FBXL6: variants seen among roughly 807,000 people sequenced by gnomAD.
The protein encoded by FBXL6 is F-box/LRR-repeat protein 6.
In FBXL6, 50 loss-of-function variants were observed where a neutral mutation model predicts 53.3. The observed-to-expected ratio is 0.94, with a 90% confidence interval of 0.75 to 1.19. FBXL6 has a LOEUF of 1.19. Ranked by LOEUF, FBXL6 falls within the 50% of genes most tolerant of loss-of-function variation. FBXL6 has a pLI of 0.00. For missense variants in FBXL6, 815 were observed against 719.0 expected (o/e 1.13, Z -1.53); for synonymous variants, 405 against 322.9 (o/e 1.25, Z -2.73).
chr8:144,358,413 C>T lies in FBXL6; in HGVS notation c.35G>A (p.Arg12Lys). Residue 12 changes from arginine (R) to lysine (K), a missense_variant, in exon 1 of 9, where the codon AGA (arginine) becomes AAA (lysine). Arg to Lys is a conservative substitution (Grantham distance 26). Coordinates refer to ENST00000331890, the MANE Select transcript of FBXL6 (RefSeq NM_012162.4). ...AAPASRQVRR[R>K]ARAAPRPRSA... ...GCGGGGCCGCGGCGCTGCCCGGGCT[C>T]TGCGTCGGACCTGCCGGGAGGCTGG... 1.1e-5 allele frequency: 14 copies of T among 1,247,066 alleles called. No homozygotes were observed. Among genetic ancestry groups the T allele is most frequent in the South Asian group, 7.7e-5 (2 of 25,892 alleles). The allele number at this position is 1,247,066 out of a possible 1,614,324, so 77.3% of individuals were successfully genotyped here.
rs369988113 is a variant in FBXL6 at position 144,356,723 on chromosome 8, TG to T, written c.880-11del. 3 of 1,609,524 alleles carry T rather than the reference TG, an allele frequency of 1.9e-6. No homozygotes were observed. The highest frequency in any genetic ancestry group is 4.5e-5 in the East Asian group (2 of 44,834). ...GGGGGCAGCAGCTGCCCTGCAGAGA[TG>T]GGGGGAGGGGGTAGGTCACAGGGTC... On this transcript the variant is annotated splice_polypyrimidine_tract_variant and intron_variant, in intron 5 of 8. Coordinates refer to ENST00000331890, the MANE Select transcript of FBXL6 (RefSeq NM_012162.4).
chr8:144,358,146 G>C lies in FBXL6; in HGVS notation c.302C>G (p.Pro101Arg), dbSNP rs1818557863. The change falls in exon 1 of 9, where the codon CCC (proline) becomes CGC (arginine). Residue 101 changes from proline (P) to arginine (R), a missense_variant. Transcript: ENST00000331890. ...AAPAPAPAPTPTPEEGPDAGW... is the reference protein window; with the variant it reads ...AAPAPAPAPTRTPEEGPDAGW... The stretch of plus-strand genomic sequence containing the variant: ...CGCGTCGGGCCCTTCCTCGGGCGTG[G>C]GCGTGGGTGCCGGTGCGGGTGCGGG... The C allele has an allele frequency of 6.4e-7, 1 of 1,551,770 alleles. No individual in the cohort carries two copies.
At position 144,358,405 on chromosome 8, in the gene FBXL6, C is replaced by T; in HGVS notation, c.43G>A (p.Ala15Thr). Residue 15 changes from alanine to threonine, a missense_variant, in exon 1 of 9, where the codon GCA (alanine) becomes ACA (threonine). By Grantham distance (58) the Ala-to-Thr change is moderately conservative. Coordinates refer to ENST00000331890, the MANE Select transcript of FBXL6 (RefSeq NM_012162.4). The part of the protein sequence containing the change: ...ASRQVRRRAR[A>T]APRPRSAEDW... ...TCGGCCGAGCGGGGCCGCGGCGCTG[C>T]CCGGGCTCTGCGTCGGACCTGCCGG... 2 of 1,250,016 alleles carry T rather than the reference C, an allele frequency of 1.6e-6. No individual in the cohort carries two copies. The highest frequency in any genetic ancestry group is 2.0e-6 in the Non-Finnish European group (2 of 997,954). 77.4% of individuals were successfully genotyped at this position (1,250,016 alleles called of 1,614,324 possible).
Position 144,355,595 on chromosome 8 carries a change from T to G in FBXL6, c.1556A>C (p.Tyr519Ser), listed in dbSNP as rs140699050. 4 of 1,611,070 alleles carry G rather than the reference T, an allele frequency of 2.5e-6. No homozygotes were observed. In the African/African-American group the frequency reaches 4.0e-5, roughly 16 times the overall value. The change falls in exon 9 of 9, where the codon TAC (tyrosine) becomes TCC (serine). Residue 519 changes from tyrosine (Y) to serine (S), a missense_variant. Transcript: ENST00000331890. ...CCACTGGACTTCCTCCAGGCCCCGG[T>G]AGGCCCGCTTCAGACCCCGGGGAAG... Reference protein sequence around the residue: ...RCLPRGLKRAYRGLEEVQWCL... With the variant: ...RCLPRGLKRASRGLEEVQWCL...
In FBXL6 at chr8:144,355,462, C is replaced by A; in HGVS notation, c.*69G>T. 1 of 1,576,020 alleles carries A rather than the reference C, an allele frequency of 6.3e-7. No individual in the cohort carries two copies. The highest frequency in any genetic ancestry group is 1.1e-5 in the South Asian group (1 of 89,078). ...AAATGTTTTATTTTAACAAAATGCT[C>A]AAATATCTGAAATTGGGCAAAGGTG... On this transcript the variant is annotated 3_prime_UTR_variant, in exon 9 of 9. Coordinates refer to ENST00000331890, the MANE Select transcript of FBXL6 (RefSeq NM_012162.4).
At chr8:144,357,601 G>A (rs1456234368) in intron 2 of FBXL6, 27 bp downstream of exon 2, 3 of 1,605,692 alleles carry the variant, frequency 1.9e-6, no homozygotes, top group Middle Eastern at 1.7e-4. Flanking sequence ...CTGGAGCCAG[G>A]GGTAAGGAAG....
rs561391486 is a variant in FBXL6, at chr8:144,355,626, G to C, written c.1525C>G (p.Arg509Gly). ...CGCTTCAGACCCCGGGGAAGGCAGCGGCAGGACTCCAGGTTGAGGTAGAGC... is the reference window on the plus strand; with the variant it reads ...CGCTTCAGACCCCGGGGAAGGCAGCCGCAGGACTCCAGGTTGAGGTAGAGC... ...GLLYLNLESC[R>G]CLPRGLKRAY... is the part of the protein sequence containing the mutation. The change falls in exon 9 of 9, where the codon CGC becomes GGC. Residue 509 changes from arginine (R) to glycine (G), a missense_variant. Physicochemically the swap from Arg to Gly is moderately radical, Grantham distance 125. Coordinates refer to ENST00000331890, the MANE Select transcript of FBXL6 (RefSeq NM_012162.4). 2 of 1,611,216 alleles carry C rather than the reference G, an allele frequency of 1.2e-6. No individual in the cohort carries two copies. The highest frequency in any genetic ancestry group is 4.5e-5 in the East Asian group (2 of 44,880).
rs1554852925 is a variant in FBXL6, at chr8:144,356,767, C to T, written c.879+41G>A. 7 of 1,611,788 alleles carry T rather than the reference C, an allele frequency of 4.3e-6. No individual in the cohort carries two copies. In the East Asian group the frequency reaches 1.6e-4, roughly 36 times the overall value. On this transcript the variant is annotated intron_variant, in intron 5 of 8. Transcript: ENST00000331890. The stretch of plus-strand genomic sequence containing the variant: ...ACAGGGTCAGTGGCCTGGCAGTCCC[C>T]AGCTCAGCATCTGCCTCTGCTCCCA...
chr8:144,358,434 G>A lies in FBXL6; in HGVS notation c.14C>T (p.Ala5Val), dbSNP rs550638473. The change falls in exon 1 of 9, where the codon GCC becomes GTC. Residue 5 changes from alanine to valine, a missense_variant. By Grantham distance (64) the Ala-to-Val change is moderately conservative. Coordinates refer to ENST00000331890, the MANE Select transcript of FBXL6 (RefSeq NM_012162.4). MAAP[A>V]SRQVRRRARA... ...GGCTCTGCGTCGGACCTGCCGGGAG[G>A]CTGGGGCAGCCATGACCACCGACGG... 119 of 1,243,816 alleles carry A rather than the reference G, an allele frequency of 9.6e-5. 2 individuals are homozygous for A. The East Asian group carries it at 2.3e-3, about 24-fold the overall frequency. 77.0% of individuals were successfully genotyped at this position (1,243,816 alleles called of 1,614,324 possible). A position where few individuals can be genotyped will look rare whatever the true frequency, so the allele number is the denominator to read the frequency against.
chr8:144,358,150 T>TGGGTGCCGGTGC lies in FBXL6; in HGVS notation c.286_297dup (p.Ala96_Pro99dup). ...TCGGGCCCTTCCTCGGGCGTGGGCG[T>TGGGTGCCGGTGC]GGGTGCCGGTGCGGGTGCGGGCGCG... On this transcript the variant is annotated inframe_insertion, in exon 1 of 9. Coordinates refer to ENST00000331890, the MANE Select transcript of FBXL6 (RefSeq NM_012162.4). 1 of 1,540,388 alleles carries TGGGTGCCGGTGC rather than the reference T, an allele frequency of 6.5e-7. No homozygotes were observed. Among genetic ancestry groups the TGGGTGCCGGTGC allele is most frequent in the Non-Finnish European group, 8.7e-7 (1 of 1,151,688 alleles).
chr8:144,356,193 C>T lies in FBXL6; in HGVS notation c.1247G>A (p.Gly416Asp). 1 of 1,445,842 alleles carries T rather than the reference C, an allele frequency of 6.9e-7. No individual in the cohort carries two copies. Among genetic ancestry groups the T allele is most frequent in the East Asian group, 3.8e-5 (1 of 26,664 alleles). 89.6% of individuals were successfully genotyped at this position (1,445,842 alleles called of 1,614,324 possible). Residue 416 changes from glycine (G) to aspartate (D), a missense_variant, in exon 8 of 9, where the codon GGC becomes GAC. Transcript: ENST00000331890. Reference protein sequence around the residue: ...PCRELEQLHLGLYGTSDRLTL... With the variant: ...PCRELEQLHLDLYGTSDRLTL... ...CAGCCGGTCTGACGTGCCATACAGGCCCAGATGAAGCTGCTCCAGCTCTGC... is the reference window on the plus strand; with the variant it reads ...CAGCCGGTCTGACGTGCCATACAGGTCCAGATGAAGCTGCTCCAGCTCTGC...
intron 3 of FBXL6, 41 bp from the exon 4 acceptor site, chr8:144,357,162 A>C (rs1287253185): frequency 6.2e-7 from 1 of 1,610,862 alleles, no homozygotes; most frequent in Non-Finnish European, 8.5e-7. Context: ...GGGAGACGAC[A>C]GGCTAAGATC....
At position 144,356,561 on chromosome 8, in the gene FBXL6, GGAGGGTGTGACAGGTGGGA is replaced by G. The variant is rs781927447; in HGVS notation, c.993+20_994-31del. ...GGGCAAGGTCCAGGCTGTAGATGGG[GGAGGGTGTGACAGGTGGGA>G]GAGGCAGGGCGCCAGGTACCTGGAG... On this transcript the variant is annotated intron_variant, in intron 6 of 8. Transcript: ENST00000331890. 19 of 1,612,652 alleles carry G rather than the reference GGAGGGTGTGACAGGTGGGA, an allele frequency of 1.2e-5. No homozygotes were observed. Among genetic ancestry groups the G allele is most frequent in the Non-Finnish European group, 1.4e-5 (17 of 1,179,716 alleles).
At chr8:144,357,180 G>A in intron 3 of FBXL6, 59 bp from the exon 4 acceptor site, 4 of 1,604,882 alleles carry the variant, frequency 2.5e-6, no homozygotes, top group Non-Finnish European at 3.4e-6. Flanking sequence ...ATCCACAAGG[G>A]AAACAGACAA....
In FBXL6 at chr8:144,356,863, C is replaced by A. The variant is rs548024038; in HGVS notation, c.824G>T (p.Arg275Leu). 1.9e-6 allele frequency: 3 copies of A among 1,613,410 alleles called. No individual in the cohort carries two copies. In the Admixed American group the frequency reaches 5.0e-5, roughly 27 times the overall value. The change falls in exon 5 of 9, where the codon CGC (arginine) becomes CTC (leucine). Residue 275 changes from arginine to leucine, a missense_variant. Arg to Leu is a moderately radical substitution (Grantham distance 102, BLOSUM62 -2). Coordinates refer to ENST00000331890, the MANE Select transcript of FBXL6 (RefSeq NM_012162.4). ...GGAGCTGTAGGTCAGCCACAACTTGCGCATTCGGGACCCTGCCTCCTCCAA... is the reference window on the plus strand; with the variant it reads ...GGAGCTGTAGGTCAGCCACAACTTGAGCATTCGGGACCCTGCCTCCTCCAA... ...SFLEEAGSRM[R>L]KLWLTYSSQT...
In FBXL6 at chr8:144,356,488, C is replaced by T; in HGVS notation, c.1037G>A (p.Gly346Glu). 4 of 1,612,970 alleles carry T rather than the reference C, an allele frequency of 2.5e-6. No homozygotes were observed. The highest frequency in any genetic ancestry group is 3.4e-6 in the Non-Finnish European group (4 of 1,180,012). ...GCCTGGTCCGGGAGCCACCCCTCGT[C>T]CCGGAGGCTTGGGCAGCCACATCAG... ...LNLMWLPKPP[G>E]RGVAPGPGFP... Residue 346 changes from glycine (G) to glutamate (E), a missense_variant, in exon 7 of 9, where the codon GGA becomes GAA. Physicochemically the swap from Gly to Glu is moderately conservative, Grantham distance 98 (BLOSUM62 -2). Coordinates refer to ENST00000331890, the MANE Select transcript of FBXL6 (RefSeq NM_012162.4).
intron 3 of FBXL6, 28 bp downstream of exon 3, chr8:144,357,411 G>A: frequency 6.2e-7 from 1 of 1,603,144 alleles, no homozygotes; most frequent in Admixed American, 1.7e-5. Flanking sequence ...TGTCACAGCT[G>A]ATGTGCAGGA....
In FBXL6 at chr8:144,358,105, T is replaced by C. The variant is rs1554853368; in HGVS notation, c.343A>G (p.Ile115Val). ...EGPDAGWGDR[I>V]PLEILVQIFG... ...ATCTGCACCAGGATTTCCAAGGGAA[T>C]GCGGTCTCCCCAGCCCGCGTCGGGC... Residue 115 changes from isoleucine (I) to valine (V), a missense_variant, in exon 1 of 9, where the codon ATT becomes GTT. Physicochemically the swap from Ile to Val is conservative, Grantham distance 29. Transcript: ENST00000331890. 1.3e-6 allele frequency: 2 copies of C among 1,596,554 alleles called. No homozygotes were observed. Among genetic ancestry groups the C allele is most frequent in the East Asian group, 2.3e-5 (1 of 42,782 alleles).
In FBXL6 at chr8:144,358,469, A is replaced by T; in HGVS notation, c.-22T>A. ...CCATGACCACCGACGGCGCTCGGGG[A>T]AGCCCCAGGGAGCGGAACGGGCGAG... On this transcript the variant is annotated 5_prime_UTR_variant, in exon 1 of 9. Coordinates refer to ENST00000331890, the MANE Select transcript of FBXL6 (RefSeq NM_012162.4). The T allele has an allele frequency of 8.1e-7, 1 of 1,235,102 alleles. No homozygotes were observed. Among genetic ancestry groups the T allele is most frequent in the Non-Finnish European group, 1.0e-6 (1 of 989,464 alleles). 76.5% of individuals were successfully genotyped at this position (1,235,102 alleles called of 1,614,324 possible).
Sources: allele counts gnomAD v4.1 joint callset, GRCh38; gene constraint gnomAD v4.1.1; transcripts MANE v1.5; gene names NCBI Gene and HGNC (gene_info 2026-07-23, HGNC 2026-07-21).